The following ZBTB9 variants were observed in gnomAD, a reference collection of about 807,000 sequenced individuals.
The protein encoded by ZBTB9 is zinc finger and BTB domain containing 9.
ZBTB9 carries 17 observed loss-of-function variants against 26.3 expected under a neutral mutation model. That is an observed-to-expected ratio of 0.65 (90% CI 0.44 to 0.97). The LOEUF (loss-of-function observed/expected upper bound fraction) is 0.97. ZBTB9 is among the 50% of genes least tolerant of loss of function. The pLI, the probability that ZBTB9 is intolerant of heterozygous loss-of-function variation, is 0.00. For missense variants in ZBTB9, 510 were observed against 594.2 expected, an observed-to-expected ratio of 0.86 and a Z score of 1.47; for synonymous variants, 226 against 234.3, an observed-to-expected ratio of 0.96 and a Z score of 0.32.
In ZBTB9 at chr6:33,456,042, T is replaced by C; in HGVS notation, c.942T>C (p.Ser314=). ...CAAAGGAGGAAACCAAAGTGTTTTC[T>C]GGAGGGGACACTGAAGGGAATGGGG... ...GGAKEETKVF[S]GGDTEGNGEL... is the part of the protein sequence containing the mutation. The change falls in exon 2 of 2, where the codon TCT becomes TCC. Residue 314 remains serine, a synonymous_variant. Coordinates refer to ENST00000395064, the MANE Select transcript of ZBTB9 (RefSeq NM_152735.4). This position sits in a 1 kb window ranked among gnomAD's most constrained non-coding sequence, Gnocchi z 5.1. 6.2e-7 allele frequency: 1 copy of C among 1,614,058 alleles called. No individual in the cohort carries two copies. Among genetic ancestry groups the C allele is most frequent in the Non-Finnish European group, 8.5e-7 (1 of 1,180,022 alleles).
chr6:33,455,914 C>A lies in ZBTB9; in HGVS notation c.814C>A (p.Leu272Ile). ...LPEGESAPLE[L>I]PAPPALPPKI... ...AGAGGGTGAGAGTGCACCACTTGAG[C>A]TTCCTGCCCCTCCTGCACTGCCCCC... Residue 272 changes from leucine (L) to isoleucine (I), a missense_variant, in exon 2 of 2, where the codon CTT (leucine) becomes ATT (isoleucine). Transcript: ENST00000395064. 1 of 1,612,734 alleles carries A rather than the reference C, an allele frequency of 6.2e-7. No individual in the cohort carries two copies. The highest frequency in any genetic ancestry group is 8.5e-7 in the Non-Finnish European group (1 of 1,179,238).
Position 33,455,859 on chromosome 6 carries a change from G to A in ZBTB9, c.759G>A (p.Leu253=), listed in dbSNP as rs758478360. Reference sequence around the variant, plus strand: ...CCCGTCCTCATGGACCCCACCCACTGCCCATGACTGCTACTCCCCGAAAGC... The same window carrying A: ...CCCGTCCTCATGGACCCCACCCACTACCCATGACTGCTACTCCCCGAAAGC... ...VFPRPHGPHP[L]PMTATPRKLP... Residue 253 remains leucine (L), a synonymous_variant, in exon 2 of 2, where the codon CTG becomes CTA. Coordinates refer to ENST00000395064, the MANE Select transcript of ZBTB9 (RefSeq NM_152735.4). The A allele has an allele frequency of 6.2e-7, 1 of 1,613,080 alleles. No individual in the cohort carries two copies. Among genetic ancestry groups the A allele is most frequent in the Non-Finnish European group, 8.5e-7 (1 of 1,179,486 alleles).
At chr6:33,453,446 G>C (rs1360520497), upstream of ZBTB9, 1 of 150,548 alleles carries the variant, frequency 6.6e-6, no homozygotes, top group Non-Finnish European at 1.5e-5. Flanking sequence ...TCTGTACAGA[G>C]CTTCCTGGCC....
rs759798653 is a variant in ZBTB9 at position 33,455,582 on chromosome 6, C to T, written c.482C>T (p.Ser161Phe). 18 of 1,613,914 alleles carry T rather than the reference C, an allele frequency of 1.1e-5. No homozygotes were observed. The highest frequency in any genetic ancestry group is 1.5e-5 in the Non-Finnish European group (18 of 1,179,852). Residue 161 changes from serine to phenylalanine, a missense_variant, in exon 2 of 2, where the codon TCC (serine) becomes TTC (phenylalanine). Coordinates refer to ENST00000395064, the MANE Select transcript of ZBTB9 (RefSeq NM_152735.4). ...GGAAACTCCTACCATGCCCTTCTTT[C>T]CACTACATCCTCTACAGGAGGCTGG... ...RGGNSYHALLSTTSSTGGWCI... is the reference protein window; with the variant it reads ...RGGNSYHALLFTTSSTGGWCI...
At position 33,455,764 on chromosome 6, in the gene ZBTB9, G is replaced by A. The variant is rs755552241; in HGVS notation, c.664G>A (p.Asp222Asn). Residue 222 changes from aspartate to asparagine, a missense_variant, in exon 2 of 2, where the codon GAT becomes AAT. Transcript: ENST00000395064. ...AGAAGAGGAGGAGGAGGAAGATGATGATGATGAGGACCAGGGGTCAGCCAC... is the reference window on the plus strand; with the variant it reads ...AGAAGAGGAGGAGGAGGAAGATGATAATGATGAGGACCAGGGGTCAGCCAC... ...EEEEEEEEDD[D>N]DEDQGSATLS... The A allele has an allele frequency of 6.2e-7, 1 of 1,613,404 alleles. No individual in the cohort carries two copies. Among genetic ancestry groups the A allele is most frequent in the Non-Finnish European group, 8.5e-7 (1 of 1,179,550 alleles).
Position 33,455,026 on chromosome 6 carries a change from G to C in ZBTB9, c.-71-4G>C. 1.3e-6 allele frequency: 2 copies of C among 1,516,876 alleles called. No homozygotes were observed. The highest frequency in any genetic ancestry group is 1.8e-6 in the Non-Finnish European group (2 of 1,133,434). 94.0% of individuals were successfully genotyped at this position (1,516,876 alleles called of 1,614,324 possible). ...TCTGTGACCTCCATCTTTTTCCTCTGCAGCCTTCATCCCGCGTGGAGTCTA... is the reference window on the plus strand; with the variant it reads ...TCTGTGACCTCCATCTTTTTCCTCTCCAGCCTTCATCCCGCGTGGAGTCTA... On this transcript the variant is annotated splice_region_variant and splice_polypyrimidine_tract_variant and intron_variant, in intron 1 of 1. Coordinates refer to ENST00000395064, the MANE Select transcript of ZBTB9 (RefSeq NM_152735.4).
Position 33,455,248 on chromosome 6 carries a change from G to GTGTC in ZBTB9, c.149_152dup (p.Leu52ValfsTer10), listed in dbSNP as rs1179029989. The GTGTC allele has an allele frequency of 1.2e-6, 2 of 1,614,220 alleles. No individual in the cohort carries two copies. Among genetic ancestry groups the GTGTC allele is most frequent in the South Asian group, 2.2e-5 (2 of 91,082 alleles). ...CAGGCTAGAGGGAAAGTTCTGTGAT[G>GTGTC]TGTCCCTCCTGGTGCAGGGCCGGGA... is the stretch of plus-strand genomic sequence containing the variant. On this transcript the variant is annotated frameshift_variant, in exon 2 of 2. Coordinates refer to ENST00000395064, the MANE Select transcript of ZBTB9 (RefSeq NM_152735.4). LOFTEE classifies it high-confidence loss of function.
Position 33,455,266 on chromosome 6 carries a change from G to A in ZBTB9, c.166G>A (p.Gly56Ser). 6.2e-7 allele frequency: 1 copy of A among 1,614,188 alleles called. No homozygotes were observed. Among genetic ancestry groups the A allele is most frequent in the South Asian group, 1.1e-5 (1 of 91,086 alleles). ...CTGTGATGTGTCCCTCCTGGTGCAGGGCCGGGAACTTAGGGCTCATAAAGC... is the reference window on the plus strand; with the variant it reads ...CTGTGATGTGTCCCTCCTGGTGCAGAGCCGGGAACTTAGGGCTCATAAAGC... ...KFCDVSLLVQ[G>S]RELRAHKAVL... Residue 56 changes from glycine to serine, a missense_variant, in exon 2 of 2, where the codon GGC (glycine) becomes AGC (serine). Physicochemically the swap from Gly to Ser is moderately conservative, Grantham distance 56 (BLOSUM62 0). Around this residue, in one of 2 missense-constraint regions of ZBTB9, gnomAD observed 439 missense variants for 460.4 expected, o/e 0.95. Transcript: ENST00000395064.
In ZBTB9 at chr6:33,456,687, GATGTGGAAACTCAA is replaced by G; in HGVS notation, c.*168_*181del. The G allele has an allele frequency of 4.7e-6, 6 of 1,287,556 alleles. No individual in the cohort carries two copies. The highest frequency in any genetic ancestry group is 6.1e-6 in the Non-Finnish European group (6 of 978,258). 79.8% of individuals were successfully genotyped at this position (1,287,556 alleles called of 1,614,324 possible). A position where few individuals can be genotyped will look rare whatever the true frequency, so the allele number is the denominator to read the frequency against. ...TAGATATGGGCCTCTCAGCCTGGCA[GATGTGGAAACTCAA>G]ATTTCTCGTCCCACTCCAGGTTTTG... On this transcript the variant is annotated 3_prime_UTR_variant, in exon 2 of 2. Coordinates refer to ENST00000395064, the MANE Select transcript of ZBTB9 (RefSeq NM_152735.4). The surrounding 1 kb of genome is among the most constrained non-coding windows in gnomAD (Gnocchi z 5.1).
Position 33,455,333 on chromosome 6 carries a change from T to G in ZBTB9, c.233T>G (p.Leu78Arg), listed in dbSNP as rs995257269. The G allele has an allele frequency of 3.1e-6, 5 of 1,614,240 alleles. No individual in the cohort carries two copies. The highest frequency in any genetic ancestry group is 3.4e-6 in the Non-Finnish European group (4 of 1,180,046). ...TCTCCTTACTTCCATGACAAGCTGCTTCTGGGGGATGCGCCTCGTCTCACT... is the reference window on the plus strand; with the variant it reads ...TCTCCTTACTTCCATGACAAGCTGCGTCTGGGGGATGCGCCTCGTCTCACT... ...AASPYFHDKL[L>R]LGDAPRLTLP... is the part of the protein sequence containing the mutation. Residue 78 changes from leucine (L) to arginine (R), a missense_variant, in exon 2 of 2, where the codon CTT (leucine) becomes CGT (arginine). Leu to Arg is a moderately radical substitution (Grantham distance 102). Transcript: ENST00000395064.
At chr6:33,454,914 A>G in intron 1 of ZBTB9, 116 bp from the exon 2 acceptor site, 1 of 862,136 alleles carries the variant, frequency 1.2e-6, no homozygotes, top group Non-Finnish European at 1.7e-6. Context: ...ACTGATTTGC[A>G]GAAACCGCCA....
At chr6:33,453,777 G>A (rs1335525524), upstream of ZBTB9, 1 of 151,998 alleles carries the variant, frequency 6.6e-6, no homozygotes, top group African/African-American at 2.4e-5. Context: ...AGCCTGAGAG[G>A]AAAACCGTAT....
Position 33,456,741 on chromosome 6 carries a change from C to T in ZBTB9, c.*219C>T, listed in dbSNP as rs1045743123. The T allele has an allele frequency of 1.9e-5, 15 of 792,688 alleles. No homozygotes were observed. In the East Asian group the frequency reaches 3.2e-4, roughly 17 times the overall value. 49.1% of individuals were successfully genotyped at this position (792,688 alleles called of 1,614,324 possible). A position where few individuals can be genotyped will look rare whatever the true frequency, so the allele number is the denominator to read the frequency against. On this transcript the variant is annotated 3_prime_UTR_variant, in exon 2 of 2. Coordinates refer to ENST00000395064, the MANE Select transcript of ZBTB9 (RefSeq NM_152735.4). The surrounding 1 kb of genome is among the most constrained non-coding windows in gnomAD (Gnocchi z 5.1). ...TCCAGGTTTTGGCTAGCCAACCCTG[C>T]AGGAAAGTGGTTTATAGGCCATTCA...
rs774652419 is a variant in ZBTB9, at chr6:33,455,895, T to G, written c.795T>G (p.Gly265=). The G allele has an allele frequency of 8.7e-6, 14 of 1,613,044 alleles. No homozygotes were observed. The South Asian group carries it at 1.5e-4, about 18-fold the overall frequency. Residue 265 remains glycine (G), a synonymous_variant, in exon 2 of 2, where the codon GGT becomes GGG. Coordinates refer to ENST00000395064, the MANE Select transcript of ZBTB9 (RefSeq NM_152735.4). ...MTATPRKLPE[G]ESAPLELPAP... ...CTACTCCCCGAAAGCTTCCAGAGGG[T>G]GAGAGTGCACCACTTGAGCTTCCTG...
Position 33,456,319 on chromosome 6 carries a change from A to T in ZBTB9, c.1219A>T (p.Ser407Cys), listed in dbSNP as rs1408532951. Reference protein sequence around the residue: ...KRDRHIMLTFSLRPFGCGICN... With the variant: ...KRDRHIMLTFCLRPFGCGICN... ...TGACCGGCACATCATGCTGACCTTC[A>T]GCCTTCGGCCTTTTGGCTGTGGCAT... The change falls in exon 2 of 2, where the codon AGC becomes TGC. Residue 407 changes from serine (S) to cysteine (C), a missense_variant. Ser to Cys is a moderately radical substitution (Grantham distance 112). This residue lies in a region of ZBTB9 where 71 missense variants were observed against 133.8 expected (regional missense o/e 0.53). Coordinates refer to ENST00000395064, the MANE Select transcript of ZBTB9 (RefSeq NM_152735.4). The surrounding 1 kb of genome is among the most constrained non-coding windows in gnomAD (Gnocchi z 5.1). 9 of 1,613,850 alleles carry T rather than the reference A, an allele frequency of 5.6e-6. No individual in the cohort carries two copies. Among genetic ancestry groups the T allele is most frequent in the Non-Finnish European group, 7.6e-6 (9 of 1,179,998 alleles).
Position 33,455,552 on chromosome 6 carries a change from G to T in ZBTB9, c.452G>T (p.Arg151Leu). ...ACTTCAGGTGGTGGAATTTCAGCCCGTGGAGGAAACTCCTACCATGCCCTT... is the reference window on the plus strand; with the variant it reads ...ACTTCAGGTGGTGGAATTTCAGCCCTTGGAGGAAACTCCTACCATGCCCTT... The part of the protein sequence containing the change: ...LETSGGGISA[R>L]GGNSYHALLS... The change falls in exon 2 of 2, where the codon CGT (arginine) becomes CTT (leucine). Residue 151 changes from arginine to leucine, a missense_variant. Coordinates refer to ENST00000395064, the MANE Select transcript of ZBTB9 (RefSeq NM_152735.4). 1 of 1,614,150 alleles carries T rather than the reference G, an allele frequency of 6.2e-7. No individual in the cohort carries two copies. The highest frequency in any genetic ancestry group is 8.5e-7 in the Non-Finnish European group (1 of 1,180,012).
chr6:33,456,873 C>T lies in ZBTB9; in HGVS notation c.*351C>T, dbSNP rs184748747. On this transcript the variant is annotated 3_prime_UTR_variant, in exon 2 of 2. Transcript: ENST00000395064. This position sits in a 1 kb window ranked among gnomAD's most constrained non-coding sequence, Gnocchi z 5.1. The stretch of plus-strand genomic sequence containing the variant: ...GTGAGAGAAGAGTTAGAGCAAAAGA[C>T]AGTGGTAAATGTTTTATTCCGTCTC... 133 of 264,294 alleles carry T rather than the reference C, an allele frequency of 5.0e-4. No homozygotes were observed. Among genetic ancestry groups the T allele is most frequent in the African/African-American group, 2.5e-3 (111 of 44,994 alleles). The allele number at this position is 264,294 out of a possible 1,614,324, so 16.4% of individuals were successfully genotyped here. A position where few individuals can be genotyped will look rare whatever the true frequency, so the allele number is the denominator to read the frequency against.
In ZBTB9 at chr6:33,455,804, C is replaced by T. The variant is rs1761474862; in HGVS notation, c.704C>T (p.Pro235Leu). Residue 235 changes from proline to leucine, a missense_variant, in exon 2 of 2, where the codon CCT (proline) becomes CTT (leucine). This residue lies in a region of ZBTB9 where 439 missense variants were observed against 460.4 expected (regional missense o/e 0.95). Coordinates refer to ENST00000395064, the MANE Select transcript of ZBTB9 (RefSeq NM_152735.4). ...DQGSATLSQT[P>L]QPQRVSGVFP... ...GGGTCAGCCACACTCTCTCAGACTCCTCAGCCCCAGAGAGTATCAGGGGTT... is the reference window on the plus strand; with the variant it reads ...GGGTCAGCCACACTCTCTCAGACTCTTCAGCCCCAGAGAGTATCAGGGGTT... The T allele has an allele frequency of 1.9e-6, 3 of 1,611,180 alleles. No individual in the cohort carries two copies. The highest frequency in any genetic ancestry group is 1.3e-5 in the African/African-American group (1 of 74,864).
At position 33,456,857 on chromosome 6, in the gene ZBTB9, GAGTT is replaced by G. The variant is rs913431127; in HGVS notation, c.*338_*341del. ...GATTTTCAATTATTTAGTGAGAGAA[GAGTT>G]AGAGCAAAAGACAGTGGTAAATGTT... is the stretch of plus-strand genomic sequence containing the variant. On this transcript the variant is annotated 3_prime_UTR_variant, in exon 2 of 2. Transcript: ENST00000395064. The surrounding 1 kb of genome is among the most constrained non-coding windows in gnomAD (Gnocchi z 5.1). 30 of 298,038 alleles carry G rather than the reference GAGTT, an allele frequency of 1.0e-4. No individual in the cohort carries two copies. Among genetic ancestry groups the G allele is most frequent in the Non-Finnish European group, 1.8e-4 (28 of 151,740 alleles). 18.5% of individuals were successfully genotyped at this position (298,038 alleles called of 1,614,324 possible). A position where few individuals can be genotyped will look rare whatever the true frequency, so the allele number is the denominator to read the frequency against.
Sources: allele counts gnomAD v4.1 joint callset, GRCh38; gene constraint gnomAD v4.1.1; regional missense constraint gnomAD v4.1.1; non-coding constraint Gnocchi (gnomAD v3.1); transcripts MANE v1.5; gene names NCBI Gene and HGNC (gene_info 2026-07-23, HGNC 2026-07-21).